The following SPAG16 variants were observed in gnomAD, a reference collection of about 807,000 sequenced individuals.
The protein encoded by SPAG16 is sperm associated antigen 16.
Under a neutral mutation model 80.4 loss-of-function variants are expected in SPAG16, and 86 were observed. The ratio of observed to expected loss-of-function variants is 1.07; its 90% confidence interval spans 0.90 to 1.28. The LOEUF is 1.28. Ranked by LOEUF, SPAG16 falls within the 50% of genes most tolerant of loss-of-function variation. The pLI, the probability that SPAG16 is intolerant of heterozygous loss-of-function variation, is 0.00. For missense variants in SPAG16, 870 were observed against 765.3 expected (o/e 1.14, Z -1.61); for synonymous variants, 294 against 265.9 (o/e 1.11, Z -1.03).
At chr2:213,841,368 G>T (rs1033930853) in intron 10 of SPAG16, among the ~76,000 whole-genome samples, 1 of 152,160 alleles carries the variant, frequency 6.6e-6, no homozygotes, top group African/African-American at 2.4e-5. Flanking sequence ...TCATATTCAT[G>T]TTAGACCCTT....
intron 12 of SPAG16, among the ~76,000 whole-genome samples, chr2:213,964,825 A>G (rs913986636): frequency 6.6e-6 from 1 of 152,176 alleles, no homozygotes; most frequent in African/African-American, 2.4e-5. Flanking sequence ...CTTTTCATTA[A>G]TTCTTCTTCT....
chr2:213,747,935 GCTGAACTTTCAC>G (rs1036410695), intron 10 of SPAG16, among the ~76,000 whole-genome samples: 5 of 152,200 alleles, frequency 3.3e-5, no homozygotes, highest in African/African-American at 1.2e-4. Context: ...TATTGAGACA[GCTGAACTTTCAC>G]CTTTGCTTTC....
chr2:213,397,438 G>A (rs1408964870), intron 9 of SPAG16, among the ~76,000 whole-genome samples: 1 of 152,070 alleles, frequency 6.6e-6, no homozygotes, highest in African/African-American at 2.4e-5. Flanking sequence ...TGAATCTCAT[G>A]TCATCAGATT....
In SPAG16 at chr2:214,182,696, A is replaced by G. The variant is rs117240134; in HGVS notation, c.1720+33430A>G. Among the ~76,000 whole-genome samples the G allele has an allele frequency of 8.5e-5, 13 of 152,062 alleles. No individual in the cohort carries two copies. The East Asian group carries it at 1.7e-3, about 20-fold the overall frequency. ...ATATTAATGTTATAAATTGGGATAA[A>G]GACCAAAATAATTGCTCCAGTAGAT... On this transcript the variant is annotated intron_variant, in intron 15 of 15. Transcript: ENST00000331683.
intron 15 of SPAG16, among the ~76,000 whole-genome samples, chr2:214,165,972 C>T (rs917612764): frequency 2.0e-5 from 3 of 151,828 alleles, no homozygotes; most frequent in Non-Finnish European, 4.4e-5. Flanking sequence ...CTCTAGACAC[C>T]AATCAGGAAA....
chr2:213,679,337 A>G lies in SPAG16; in HGVS notation c.1071-183148A>G, dbSNP rs138564753. ...TTGAATTGGTATTTCCAAGAACCAG[A>G]TAATAATTACAAATTTCTATTCTTT... is the stretch of plus-strand genomic sequence containing the variant. On this transcript the variant is annotated intron_variant, in intron 10 of 15. Transcript: ENST00000331683. Among the ~76,000 whole-genome samples, 16 of 152,298 alleles carry G rather than the reference A, an allele frequency of 1.1e-4. 2 individuals carry two copies. The highest frequency in any genetic ancestry group is 3.8e-4 in the African/African-American group (16 of 41,582).
intron 9 of SPAG16, among the ~76,000 whole-genome samples, chr2:213,456,434 A>T (rs960908634): frequency 6.6e-6 from 1 of 152,236 alleles, no homozygotes; most frequent in African/African-American, 2.4e-5. Flanking sequence ...AATATAGCAG[A>T]AGGAAGAAGC....
chr2:214,268,439 T>C (rs546784533), intron 15 of SPAG16, among the ~76,000 whole-genome samples: 14 of 151,912 alleles, frequency 9.2e-5, no homozygotes, highest in Non-Finnish European at 1.9e-4. Context: ...TAAAATGTAA[T>C]ATATTTACAC....
chr2:213,317,838 C>G, intron 5 of SPAG16: 3 of 550,522 alleles, frequency 5.4e-6, no homozygotes, highest in Non-Finnish European at 7.0e-6. Flanking sequence ...AAATGTATCC[C>G]TCTGTTGGGG....
chr2:213,806,312 C>T (rs776428741), intron 10 of SPAG16, among the ~76,000 whole-genome samples: 1 of 152,100 alleles, frequency 6.6e-6, no homozygotes, highest in African/African-American at 2.4e-5. Flanking sequence ...TTTAATTCTG[C>T]CACCAGATGG....
chr2:214,227,397 A>G (rs745698790), intron 15 of SPAG16, among the ~76,000 whole-genome samples: 1 of 152,076 alleles, frequency 6.6e-6, no homozygotes, highest in Non-Finnish European at 1.5e-5. Flanking sequence ...ATAAAAGCCA[A>G]CAACATTAAG....
intron 9 of SPAG16, among the ~76,000 whole-genome samples, chr2:213,432,583 T>C (rs990337695): frequency 6.6e-6 from 1 of 151,932 alleles, no homozygotes; most frequent in Admixed American, 6.6e-5. Context: ...AGTAATGAGA[T>C]TGAATCAGTA....
chr2:214,307,013 C>G (rs902583516), intron 15 of SPAG16, among the ~76,000 whole-genome samples: 1 of 151,930 alleles, frequency 6.6e-6, no homozygotes, highest in African/African-American at 2.4e-5. Flanking sequence ...CCGTCTAGTT[C>G]TGGGATTTTT....
At chr2:213,743,394 C>T (rs190311850) in intron 10 of SPAG16, among the ~76,000 whole-genome samples, 1 of 152,254 alleles carries the variant, frequency 6.6e-6, no homozygotes, top group East Asian at 1.9e-4. Context: ...GTCTTACACT[C>T]CATCCTGAGA....
intron 10 of SPAG16, among the ~76,000 whole-genome samples, chr2:213,490,559 G>A (rs1489070209): frequency 2.0e-5 from 3 of 152,024 alleles, no homozygotes; most frequent in Non-Finnish European, 2.9e-5. Context: ...GAAATAAATT[G>A]TTTTATGAAT....
chr2:213,760,404 A>G (rs1404340467), intron 10 of SPAG16, among the ~76,000 whole-genome samples: 3 of 152,238 alleles, frequency 2.0e-5, no homozygotes, highest in Non-Finnish European at 4.4e-5. Flanking sequence ...GAACCTAGTA[A>G]CAGATCACTA....
At chr2:213,623,143 A>G (rs1414461460) in intron 10 of SPAG16, among the ~76,000 whole-genome samples, 2 of 152,180 alleles carry the variant, frequency 1.3e-5, no homozygotes, top group South Asian at 2.1e-4. Context: ...GGAGGTTGCC[A>G]TGTAAAGCTA....
At chr2:213,934,477 T>G (rs1227123249) in intron 12 of SPAG16, among the ~76,000 whole-genome samples, 1 of 152,174 alleles carries the variant, frequency 6.6e-6, no homozygotes, top group African/African-American at 2.4e-5. Context: ...GGATGTTTCT[T>G]TTTTTGGTTG....
At chr2:213,995,753 T>G in intron 12 of SPAG16, among the ~76,000 whole-genome samples, 1 of 152,208 alleles carries the variant, frequency 6.6e-6, no homozygotes, top group East Asian at 1.9e-4. Flanking sequence ...TGTGCCTTAC[T>G]TTGTTGTTAT....
Sources: gnomAD v4.1 joint callset for allele counts (sites outside exome capture counted in the v4.1 genomes callset) on GRCh38, gnomAD v4.1.1 for gene constraint, MANE v1.5 for transcripts, NCBI Gene and HGNC (gene_info 2026-07-23, HGNC 2026-07-21) for gene names.